PUM1: variants seen among roughly 807,000 people sequenced by gnomAD.
PUM1 encodes pumilio homolog 1.
In PUM1, 13 loss-of-function variants were observed where a neutral mutation model predicts 131.8. The observed-to-expected ratio is 0.10, with a 90% CI of 0.06 to 0.16. PUM1 has a LOEUF of 0.16. PUM1 is among the 10% of genes least tolerant of loss of function. The pLI, the probability that PUM1 is intolerant of heterozygous loss-of-function variation, is 1.00. For synonymous variants in PUM1, 509 were observed against 556.5 expected (o/e 0.91, Z 1.20); for missense variants, 961 against 1,512.4 (o/e 0.64, Z 6.05).
At chr1:31,020,876 T>C (rs1642995109) in intron 3 of PUM1, among the ~76,000 whole-genome samples, 1 of 152,136 alleles carries the variant, frequency 6.6e-6, no homozygotes, top group Non-Finnish European at 1.5e-5. Flanking sequence ...CAAAATACAA[T>C]GGATTTGCTT....
At chr1:30,946,545 G>A (rs1639678689) in intron 17 of PUM1, among the ~76,000 whole-genome samples, 1 of 150,900 alleles carries the variant, frequency 6.6e-6, no homozygotes, top group African/African-American at 2.4e-5. Context: ...GCTGAGGCAG[G>A]AGAATTTCTT....
At chr1:30,957,972 T>C (rs1167632916) in intron 14 of PUM1, among the ~76,000 whole-genome samples, 1 of 152,248 alleles carries the variant, frequency 6.6e-6, no homozygotes, top group African/African-American at 2.4e-5. Context: ...AATACGTTAA[T>C]TGTCACATGG....
Position 30,953,719 on chromosome 1 carries a change from C to A in PUM1, c.2586G>T (p.Gly862=), listed in dbSNP as rs1373962255. 1 of 1,614,192 alleles carries A rather than the reference C, an allele frequency of 6.2e-7. No individual in the cohort carries two copies. Residue 862 remains glycine (G), a synonymous_variant, in exon 15 of 22, where the codon GGG becomes GGT. Transcript: ENST00000426105. ...TGCCAAAGCCAAGTACTCACCTGGA[C>A]CCATGCTGGTCTTGGGAAAATTCCA... ...HIMEFSQDQH[G]SRFIQLKLER... is the part of the protein sequence containing the mutation.
At chr1:31,029,004 G>T in intron 2 of PUM1, 140 bp from the exon 3 acceptor site, 2 of 684,034 alleles carry the variant, frequency 2.9e-6, no homozygotes, top group Non-Finnish European at 5.2e-6. Context: ...GTGACTAAGA[G>T]ATTAAACATT....
intron 10 of PUM1, among the ~76,000 whole-genome samples, chr1:30,969,325 A>G (rs1570158789): frequency 6.8e-6 from 1 of 147,356 alleles, no homozygotes; most frequent in South Asian, 2.2e-4. Context: ...ACAAAAAAAA[A>G]AAAAAAAAAA....
intron 9 of PUM1, among the ~76,000 whole-genome samples, chr1:30,978,907 CAGCCT>C (rs1313822499): frequency 6.6e-6 from 1 of 152,090 alleles, no homozygotes; most frequent in Non-Finnish European, 1.5e-5. Context: ...GACACAACAC[CAGCCT>C]AGGCAACGCT....
intron 2 of PUM1, among the ~76,000 whole-genome samples, chr1:31,038,973 TATA>T (rs1336771032): frequency 1.1e-4 from 4 of 35,284 alleles, no homozygotes; most frequent in African/African-American, 1.5e-4. Flanking sequence ...TATATATATA[TATA>T]TATATATATT....
chr1:31,044,911 A>C (rs1458487780), intron 2 of PUM1, among the ~76,000 whole-genome samples: 2 of 152,092 alleles, frequency 1.3e-5, no homozygotes, highest in African/African-American at 4.8e-5. Context: ...CCGGATTCAA[A>C]CAACTCTCTT....
chr1:31,029,933 A>G (rs1355409871), intron 2 of PUM1, among the ~76,000 whole-genome samples: 3 of 123,822 alleles, frequency 2.4e-5, no homozygotes, highest in African/African-American at 6.3e-5. Flanking sequence ...AAAAAAAAAA[A>G]GGCTGGGCGC....
intron 5 of PUM1, among the ~76,000 whole-genome samples, chr1:31,004,294 G>A (rs1380304688): frequency 1.3e-5 from 2 of 152,138 alleles, no homozygotes; most frequent in Admixed American, 6.5e-5. Flanking sequence ...AGTAATGCAG[G>A]CACATGCCTC....
chr1:31,021,102 T>C (rs1643004285), intron 3 of PUM1, among the ~76,000 whole-genome samples: 2 of 152,252 alleles, frequency 1.3e-5, no homozygotes, highest in Non-Finnish European at 2.9e-5. Flanking sequence ...ACGTAACAAC[T>C]ATATTAAACA....
chr1:31,054,876 A>G (rs1410743947), intron 2 of PUM1, among the ~76,000 whole-genome samples: 1 of 152,144 alleles, frequency 6.6e-6, no homozygotes, highest in Non-Finnish European at 1.5e-5. Context: ...TGTCTGGTTT[A>G]TCTTGCCTAG....
rs568482326 is a variant in PUM1, at chr1:30,969,721, G to C, written c.1507-1229C>G. On this transcript the variant is annotated intron_variant, in intron 10 of 21. Transcript: ENST00000426105. Reference sequence around the variant, plus strand: ...GCTCTGCTGCTCAGGCTGGAGTGTAGTGTGGCACAGTCTCAGCTCACTGTA... The same window carrying C: ...GCTCTGCTGCTCAGGCTGGAGTGTACTGTGGCACAGTCTCAGCTCACTGTA... Among the ~76,000 whole-genome samples, 5 of 152,146 alleles carry C rather than the reference G, an allele frequency of 3.3e-5. No homozygotes were observed. In the South Asian group the frequency reaches 1.0e-3, roughly 32 times the overall value.
rs1313925534 is a variant in PUM1, at chr1:30,964,795, G to A, written c.2202C>T (p.Gly734=). 1 of 1,614,116 alleles carries A rather than the reference G, an allele frequency of 6.2e-7. No individual in the cohort carries two copies. Among genetic ancestry groups the A allele is most frequent in the Middle Eastern group, 1.6e-4 (1 of 6,062 alleles). The change falls in exon 14 of 22, where the codon GGC becomes GGT. Residue 734 remains glycine (G), a synonymous_variant. Transcript: ENST00000426105. ...LTPIGHSFYN[G]LSFSSSPGPV... The stretch of plus-strand genomic sequence containing the variant: ...GTCCAGGAGAGGAGGAAAAGCTAAG[G>A]CCGTTATAAAAACTGTGTCCAATGG...
Position 31,033,376 on chromosome 1 carries a change from C to CTTTTTTTTT in PUM1, c.364-4521_364-4513dup, listed in dbSNP as rs748444500. 5.9e-5 allele frequency among the ~76,000 whole-genome samples: 6 copies of CTTTTTTTTT among 102,510 alleles called. 1 individual carries two copies. Among genetic ancestry groups the CTTTTTTTTT allele is most frequent in the Admixed American group, 1.0e-4 (1 of 9,580 alleles). The allele number at this position is 102,510 out of a possible 152,430, so 67.3% of individuals were successfully genotyped here. A position where few individuals can be genotyped will look rare whatever the true frequency, so the allele number is the denominator to read the frequency against. On this transcript the variant is annotated intron_variant, in intron 2 of 21. Coordinates refer to ENST00000426105, the MANE Select transcript of PUM1 (RefSeq NM_001020658.2). ...TGTGCCACCACATCCAGCTAATTTT[C>CTTTTTTTTT]TTTTTTTTTTTTTTTTTTTTTTTTT...
At chr1:30,959,857 A>G (rs1433585536) in intron 14 of PUM1, among the ~76,000 whole-genome samples, 1 of 151,428 alleles carries the variant, frequency 6.6e-6, no homozygotes, top group Non-Finnish European at 1.5e-5. Flanking sequence ...CAGTGAGCCG[A>G]GATTGCACCA....
intron 2 of PUM1, among the ~76,000 whole-genome samples, chr1:31,046,278 C>T (rs1335131710): frequency 1.3e-5 from 2 of 151,380 alleles, no homozygotes; most frequent in African/African-American, 4.9e-5. Flanking sequence ...CACAGCTACT[C>T]GGGAGGCTAA....
chr1:31,057,440 A>C (rs537929693), intron 2 of PUM1, among the ~76,000 whole-genome samples: 1 of 149,170 alleles, frequency 6.7e-6, no homozygotes, highest in South Asian at 2.1e-4. Context: ...AAAAAAAAAA[A>C]AGGGCTGGGC....
intron 5 of PUM1, among the ~76,000 whole-genome samples, chr1:30,995,585 T>A (rs556295912): frequency 5.9e-5 from 9 of 152,188 alleles, no homozygotes; most frequent in African/African-American, 2.2e-4. Context: ...TAACTCTGTA[T>A]AATAGCATGA....
Sources: allele counts gnomAD v4.1 joint callset (sites outside exome capture counted in the v4.1 genomes callset), GRCh38; gene constraint gnomAD v4.1.1; transcripts MANE v1.5; gene names NCBI Gene and HGNC (gene_info 2026-07-23, HGNC 2026-07-21).